ZMAT4: variants seen among roughly 807,000 people sequenced by gnomAD.
ZMAT4 encodes the protein zinc finger matrin-type protein 4.
A neutral mutation model predicts 28.7 loss-of-function variants in ZMAT4; 17 were observed. That is an observed-to-expected ratio of 0.59 (90% CI 0.41 to 0.89). The LOEUF (loss-of-function observed/expected upper bound fraction) is 0.89, where lower values mean the gene tolerates loss of function less well. ZMAT4 is among the 40% of genes least tolerant of loss of function. The pLI is 0.00. For synonymous variants in ZMAT4, 117 were observed against 109.2 expected, an observed-to-expected ratio of 1.07 and a Z score of -0.44; for missense variants, 240 against 283.8, an observed-to-expected ratio of 0.85 and a Z score of 1.11.
Position 40,767,666 on chromosome 8 carries a change from G to A in ZMAT4, c.167C>T (p.Pro56Leu), listed in dbSNP as rs1813220097. The change falls in exon 3 of 7, where the codon CCT (proline) becomes CTT (leucine). Residue 56 changes from proline (P) to leucine (L), a missense_variant. By Grantham distance (98) the Pro-to-Leu change is moderately conservative. Transcript: ENST00000297737. ...YMLHPRDGGC[P>L]AKRLRSENGS... ...ATTTTCTGACCGGAGCCTCTTGGCA[G>A]GACACCCTCCATCCCTGGGGTGAAG... 1.2e-6 allele frequency: 2 copies of A among 1,612,966 alleles called. No homozygotes were observed. Among genetic ancestry groups the A allele is most frequent in the Non-Finnish European group, 1.7e-6 (2 of 1,179,638 alleles).
chr8:40,848,026 T>G (rs977052611), intron 1 of ZMAT4, among the ~76,000 whole-genome samples: 1 of 152,168 alleles, frequency 6.6e-6, no homozygotes, highest in Admixed American at 6.5e-5. Flanking sequence ...TGGGCAATGT[T>G]GTAAATGAGG....
At chr8:40,632,792 T>C (rs1289290025) in intron 5 of ZMAT4, among the ~76,000 whole-genome samples, 1 of 152,204 alleles carries the variant, frequency 6.6e-6, no homozygotes, top group Non-Finnish European at 1.5e-5. Flanking sequence ...ATGGCAACCT[T>C]AGCAAAAGAA....
At position 40,892,069 on chromosome 8, in the gene ZMAT4, A is replaced by G. The variant is rs549900247; in HGVS notation, c.-5+5614T>C. 4.2e-4 allele frequency among the ~76,000 whole-genome samples: 64 copies of G among 151,656 alleles called. 1 individual carries two copies. In the South Asian group the frequency reaches 0.013, roughly 30 times the overall value. On this transcript the variant is annotated intron_variant, in intron 1 of 6. Transcript: ENST00000297737. Reference sequence around the variant, plus strand: ...GGCCACCACGTGTGTGGCGGTGTGCACTCTCCACTGGGCCACCACTCCACC... The same window carrying G: ...GGCCACCACGTGTGTGGCGGTGTGCGCTCTCCACTGGGCCACCACTCCACC...
At chr8:40,642,508 T>C (rs369633326) in intron 5 of ZMAT4, among the ~76,000 whole-genome samples, 62 of 152,308 alleles carry the variant, frequency 4.1e-4, no homozygotes, top group African/African-American at 1.4e-3. Flanking sequence ...CTGGGTCAAA[T>C]AGGGTCATCC....
At chr8:40,778,414 C>T (rs868328626) in intron 2 of ZMAT4, among the ~76,000 whole-genome samples, 1 of 152,158 alleles carries the variant, frequency 6.6e-6, no homozygotes, top group African/African-American at 2.4e-5. Flanking sequence ...TAATGTTGCC[C>T]TCCCCACCCT....
At chr8:40,712,300 AC>A (rs1403133238) in intron 3 of ZMAT4, among the ~76,000 whole-genome samples, 1 of 152,202 alleles carries the variant, frequency 6.6e-6, no homozygotes, top group Non-Finnish European at 1.5e-5. Context: ...AGAATAAGCT[AC>A]TGTTTTTATT....
chr8:40,715,923 G>A (rs1339060744), intron 3 of ZMAT4, among the ~76,000 whole-genome samples: 7 of 152,194 alleles, frequency 4.6e-5, no homozygotes, highest in African/African-American at 9.6e-5. Flanking sequence ...GCATCAACAC[G>A]AATGTTTTCT....
In ZMAT4 at chr8:40,544,813, A is replaced by G. The variant is rs191690873; in HGVS notation, c.675-12575T>C. ...CAAGCTCTAGTTTTCATGAAAAAGG[A>G]TGACTCAGAGGATGGACCAAGGTAG... On this transcript the variant is annotated intron_variant, in intron 6 of 6. Transcript: ENST00000297737. Among the ~76,000 whole-genome samples, 3 of 152,300 alleles carry G rather than the reference A, an allele frequency of 2.0e-5. No individual in the cohort carries two copies. In the East Asian group the frequency reaches 5.8e-4, roughly 29 times the overall value.
chr8:40,538,502 C>T (rs1802920300), intron 6 of ZMAT4, among the ~76,000 whole-genome samples: 1 of 152,100 alleles, frequency 6.6e-6, no homozygotes, highest in Non-Finnish European at 1.5e-5. Flanking sequence ...GCATCGCGGG[C>T]CATAGTAACT....
At chr8:40,613,257 A>T (rs1805872388) in intron 5 of ZMAT4, among the ~76,000 whole-genome samples, 1 of 130,090 alleles carries the variant, frequency 7.7e-6, no homozygotes, top group Non-Finnish European at 1.5e-5. Context: ...ATCTCAGCTC[A>T]CTGAAACTTC....
intron 6 of ZMAT4, among the ~76,000 whole-genome samples, chr8:40,571,841 C>G (rs1804108950): frequency 6.6e-6 from 1 of 152,170 alleles, no homozygotes; most frequent in East Asian, 1.9e-4. Context: ...GGCCTGTTAT[C>G]TCAAAATTTT....
intron 5 of ZMAT4, among the ~76,000 whole-genome samples, chr8:40,650,041 C>T (rs1253336380): frequency 6.6e-6 from 1 of 151,946 alleles, no homozygotes; most frequent in African/African-American, 2.4e-5. Flanking sequence ...CAAACACGTT[C>T]AAAAGCTAGA....
intron 5 of ZMAT4, among the ~76,000 whole-genome samples, chr8:40,620,099 C>A (rs368689873): frequency 6.6e-6 from 1 of 152,142 alleles, no homozygotes; most frequent in Non-Finnish European, 1.5e-5. Flanking sequence ...TTCTCACTAG[C>A]CGTGTAGGGT....
intron 5 of ZMAT4, among the ~76,000 whole-genome samples, chr8:40,640,914 G>A (rs1193535546): frequency 6.7e-6 from 1 of 148,440 alleles, no homozygotes. Context: ...GGCCGAGATT[G>A]CACCACTGCA....
At chr8:40,881,443 G>GAAAGA (rs1209089320) in intron 1 of ZMAT4, among the ~76,000 whole-genome samples, 3 of 101,684 alleles carry the variant, frequency 3.0e-5, no homozygotes, top group African/African-American at 8.3e-5. Flanking sequence ...GAGAAAGAAA[G>GAAAGA]AAAGAAAGAA....
chr8:40,583,706 T>A (rs73622450), intron 5 of ZMAT4, among the ~76,000 whole-genome samples: 20,320 of 152,146 alleles, frequency 0.13, 1,989 homozygotes, highest in African/African-American at 0.27. Flanking sequence ...CTCCTATGCA[T>A]TTTAGGGAGC....
chr8:40,753,477 G>A (rs754372462), intron 3 of ZMAT4, among the ~76,000 whole-genome samples: 1 of 152,158 alleles, frequency 6.6e-6, no homozygotes, highest in Middle Eastern at 3.4e-3. Context: ...TTTATTCTAA[G>A]CTTTCCACTA....
intron 3 of ZMAT4, among the ~76,000 whole-genome samples, chr8:40,700,726 A>G (rs764809299): frequency 1.3e-5 from 2 of 152,012 alleles, no homozygotes; most frequent in Non-Finnish European, 2.9e-5. Flanking sequence ...ACCAGCCTGA[A>G]ACTCCTTCTG....
At chr8:40,565,148 A>G (rs1332644147) in intron 6 of ZMAT4, among the ~76,000 whole-genome samples, 1 of 152,182 alleles carries the variant, frequency 6.6e-6, no homozygotes, top group Non-Finnish European at 1.5e-5. Context: ...TGCTCTTAAC[A>G]TAAGTTTTAA....
Sources: allele counts gnomAD v4.1 joint callset (sites outside exome capture counted in the v4.1 genomes callset), GRCh38; gene constraint gnomAD v4.1.1; transcripts MANE v1.5; gene names NCBI Gene and HGNC (gene_info 2026-07-23, HGNC 2026-07-21).